The following OTC variants were observed in gnomAD, a reference collection of about 807,000 sequenced individuals.
OTC encodes the protein ornithine transcarbamylase, also known as ornithine transcarbamylase, mitochondrial.
OTC carries 3 observed loss-of-function variants against 30.3 expected under a neutral mutation model. The ratio of observed to expected loss-of-function variants is 0.10; its 90% CI spans 0.05 to 0.26. The LOEUF (loss-of-function observed/expected upper bound fraction) is 0.26. Among genes scored for constraint, OTC ranks in the 10% least tolerant of loss-of-function variants. OTC has a pLI of 1.00. For missense variants in OTC, 194 were observed against 260.3 expected, an observed-to-expected ratio of 0.75 and a Z score of 1.75; for synonymous variants, 111 against 99.7, an observed-to-expected ratio of 1.11 and a Z score of -0.67.
chrX:38,383,524 G>T (rs1211939393), intron 4 of OTC, among the ~76,000 whole-genome samples: 3 of 112,271 alleles, frequency 2.7e-5, no homozygotes, highest in African/African-American at 9.7e-5. Flanking sequence ...TGGGCTGGGC[G>T]TGGTGGCTCA....
intron 9 of OTC, among the ~76,000 whole-genome samples, chrX:38,420,779 GA>G (rs1395133359): frequency 9.0e-6 from 1 of 111,167 alleles, no homozygotes; most frequent in African/African-American, 3.3e-5. Flanking sequence ...ACTAGTCCTG[GA>G]ATGAGGCCTA....
In OTC at chrX:38,381,195, T is replaced by G. The variant is rs183024179; in HGVS notation, c.299-147T>G. ...ATCTACTTCCCTCAATTCCTCATTT[T>G]GCTTTGCATGGGAATTCTGTATCAG... On this transcript the variant is annotated intron_variant, in intron 3 of 9. Coordinates refer to ENST00000039007, the MANE Select transcript of OTC (RefSeq NM_000531.6). 1.4e-3 allele frequency: 655 copies of G among 454,100 alleles called. 4 individuals are homozygous for G. The highest frequency in any genetic ancestry group is 0.014 in the African/African-American group (587 of 40,927). The allele number at this position is 454,100 out of a possible 1,213,427, so 37.4% of individuals were successfully genotyped here.
chrX:38,394,351 T>C (rs1342914562), intron 4 of OTC, among the ~76,000 whole-genome samples: 1 of 112,206 alleles, frequency 8.9e-6, no homozygotes, highest in Non-Finnish European at 1.9e-5. Flanking sequence ...TACTAAGCAA[T>C]CTTGTTGGGG....
the OTC span, among the ~76,000 whole-genome samples, chrX:38,337,560 T>A: frequency 8.9e-6 from 1 of 111,833 alleles, no homozygotes; most frequent in African/African-American, 3.3e-5. Flanking sequence ...TCCCTCCACG[T>A]AAAATGCAGT....
At chrX:38,335,687 C>T in the OTC span, among the ~76,000 whole-genome samples, 2 of 112,602 alleles carry the variant, frequency 1.8e-5, no homozygotes, top group African/African-American at 6.5e-5. Flanking sequence ...AAATGAATGG[C>T]CCAACTGTTC....
chrX:38,418,455 T>C (rs1263936855), intron 9 of OTC, among the ~76,000 whole-genome samples: 2 of 112,500 alleles, frequency 1.8e-5, no homozygotes, highest in Non-Finnish European at 3.8e-5. Flanking sequence ...ATTAATTGTT[T>C]CTTTTGCTGT....
chrX:38,422,778 G>A (rs2068601802), downstream of OTC, among the ~76,000 whole-genome samples: 1 of 111,650 alleles, frequency 9.0e-6, no homozygotes, highest in Non-Finnish European at 1.9e-5. Flanking sequence ...AATAGGGGAG[G>A]AAAATTCACC....
At chrX:38,374,364 G>C (rs1013797268) in intron 3 of OTC, among the ~76,000 whole-genome samples, 2 of 109,190 alleles carry the variant, frequency 1.8e-5, no homozygotes, top group African/African-American at 6.7e-5. Context: ...CAAAACCTCT[G>C]ATGCCCCTCA....
intron 4 of OTC, among the ~76,000 whole-genome samples, chrX:38,382,687 A>G (rs903045866): frequency 8.9e-6 from 1 of 112,373 alleles, no homozygotes; most frequent in Admixed American, 9.4e-5. Flanking sequence ...AAAAGTGAAA[A>G]TATACTTTAT....
chrX:38,391,968 T>C (rs1362229210), intron 4 of OTC, among the ~76,000 whole-genome samples: 2 of 112,106 alleles, frequency 1.8e-5, no homozygotes, highest in African/African-American at 6.5e-5. Flanking sequence ...CCAGAAATAA[T>C]GGATGTTAAC....
chrX:38,367,961 G>A (rs1361644602), intron 2 of OTC, among the ~76,000 whole-genome samples: 1 of 111,036 alleles, frequency 9.0e-6, no homozygotes, highest in East Asian at 2.8e-4. Context: ...CAAGTGATCC[G>A]CCCACCTTGG....
chrX:38,340,635 A>T, the OTC span, among the ~76,000 whole-genome samples: 2 of 110,128 alleles, frequency 1.8e-5, no homozygotes, highest in African/African-American at 3.3e-5. Context: ...TATGTAAAAC[A>T]TTATGAAACA....
the OTC span, among the ~76,000 whole-genome samples, chrX:38,340,325 T>C: frequency 9.0e-6 from 1 of 111,652 alleles, no homozygotes; most frequent in African/African-American, 3.3e-5. Flanking sequence ...CAGTTACATC[T>C]GGCAGGTTTA....
the OTC span, among the ~76,000 whole-genome samples, chrX:38,329,102 C>G: frequency 9.0e-6 from 1 of 111,730 alleles, no homozygotes; most frequent in Non-Finnish European, 1.9e-5. Context: ...GTTTTTATTT[C>G]AAAATACAGT....
chrX:38,338,437 T>C, the OTC span, among the ~76,000 whole-genome samples: 1 of 112,309 alleles, frequency 8.9e-6, no homozygotes, highest in African/African-American at 3.2e-5. Flanking sequence ...TAATTTTCCC[T>C]GAGAGTCAGT....
intron 8 of OTC, among the ~76,000 whole-genome samples, chrX:38,410,740 A>G (rs1037061897): frequency 2.7e-5 from 3 of 112,118 alleles, no homozygotes; most frequent in Non-Finnish European, 5.6e-5. Flanking sequence ...CCAATCTTAT[A>G]TGTGTTGCTG....
At chrX:38,365,397 C>T (rs765648946) in intron 1 of OTC, among the ~76,000 whole-genome samples, 41 of 112,367 alleles carry the variant, frequency 3.6e-4, no homozygotes, top group Non-Finnish European at 6.0e-4. Context: ...TGATCTTTTT[C>T]GGTTTTGGTT....
intron 3 of OTC, among the ~76,000 whole-genome samples, chrX:38,380,454 A>G (rs1208094753): frequency 2.7e-5 from 3 of 112,297 alleles, no homozygotes; most frequent in Non-Finnish European, 5.6e-5. Flanking sequence ...TATTGGAGAA[A>G]TTCTGAGCAT....
intron 4 of OTC, among the ~76,000 whole-genome samples, chrX:38,390,798 T>C (rs1269614433): frequency 8.9e-6 from 1 of 112,312 alleles, no homozygotes; most frequent in Non-Finnish European, 1.9e-5. Context: ...CCATGTTTGA[T>C]CTGGCCCAGC....
Sources: allele counts gnomAD v4.1 joint callset (sites outside exome capture counted in the v4.1 genomes callset), GRCh38; gene constraint gnomAD v4.1.1; transcripts MANE v1.5; gene names NCBI Gene and HGNC (gene_info 2026-07-23, HGNC 2026-07-21).